Variants in NDUFA10 observed in about 807,000 individuals in gnomAD.
NDUFA10 encodes NADH:ubiquinone oxidoreductase subunit A10, also known as NADH dehydrogenase [ubiquinone] 1 alpha subcomplex subunit 10, mitochondrial.
A neutral mutation model predicts 47.8 loss-of-function variants in NDUFA10; 40 were observed. The observed-to-expected ratio is 0.84, with a 90% CI of 0.65 to 1.09. The LOEUF is 1.09. Ranked by LOEUF, NDUFA10 falls within the 50% of genes least tolerant of loss-of-function variation. The pLI is 0.00. For missense variants in NDUFA10, 413 were observed against 451.1 expected, an observed-to-expected ratio of 0.92 and a Z score of 0.76; for synonymous variants, 183 against 172.2, an observed-to-expected ratio of 1.06 and a Z score of -0.49.
chr2:239,997,494 G>A (rs1480486178), intron 8 of NDUFA10, among the ~76,000 whole-genome samples: 1 of 152,140 alleles, frequency 6.6e-6, no homozygotes, highest in East Asian at 1.9e-4. Context: ...GGGAAATTCA[G>A]AGAACCAGGT....
intron 9 of NDUFA10, among the ~76,000 whole-genome samples, chr2:239,970,968 A>T (rs1184364939): frequency 6.6e-6 from 1 of 152,254 alleles, no homozygotes; most frequent in African/African-American, 2.4e-5. Flanking sequence ...GGTTTGGCTA[A>T]TAACAACAGA....
intron 8 of NDUFA10, among the ~76,000 whole-genome samples, chr2:239,997,032 T>A (rs1023977540): frequency 6.6e-6 from 1 of 152,130 alleles, no homozygotes; most frequent in Non-Finnish European, 1.5e-5. Context: ...TTATACTGTA[T>A]TTTTACATTT....
At chr2:239,947,162 G>A (rs532888934) in intron 4 of NDUFA10, among the ~76,000 whole-genome samples, 3 of 152,322 alleles carry the variant, frequency 2.0e-5, no homozygotes, top group African/African-American at 7.2e-5. Flanking sequence ...TGGAGGCCTA[G>A]GCCAGGCCAT....
intron 9 of NDUFA10, among the ~76,000 whole-genome samples, chr2:239,962,421 C>T (rs1344635106): frequency 3.3e-5 from 5 of 152,204 alleles, no homozygotes; most frequent in Non-Finnish European, 7.3e-5. Flanking sequence ...CAGTGACAGA[C>T]GAACACACAA....
intron 4 of NDUFA10, among the ~76,000 whole-genome samples, chr2:240,017,319 C>T (rs1025599269): frequency 1.3e-5 from 2 of 152,116 alleles, no homozygotes; most frequent in African/African-American, 4.8e-5. Context: ...CACTATAGGA[C>T]ACCACCACCA....
At chr2:240,024,356 C>T (rs1697765871) in intron 1 of NDUFA10, among the ~76,000 whole-genome samples, 2 of 152,096 alleles carry the variant, frequency 1.3e-5, no homozygotes, top group Non-Finnish European at 2.9e-5. Flanking sequence ...GTATTCAAGG[C>T]GTCTGAAAAG....
intron 1 of NDUFA10, among the ~76,000 whole-genome samples, chr2:240,023,570 AC>A (rs1241095144): frequency 1.3e-5 from 2 of 152,222 alleles, no homozygotes; most frequent in Non-Finnish European, 2.9e-5. Flanking sequence ...GTATGATGTA[AC>A]ACCAAAAATG....
intron 4 of NDUFA10, among the ~76,000 whole-genome samples, chr2:239,943,330 T>C (rs1238534467): frequency 6.6e-6 from 1 of 151,494 alleles, no homozygotes; most frequent in Non-Finnish European, 1.5e-5. Context: ...TGGCTACTAA[T>C]TTTTCTTTCT....
intron 8 of NDUFA10, among the ~76,000 whole-genome samples, chr2:239,994,095 T>C (rs1316092490): frequency 6.6e-6 from 1 of 152,102 alleles, no homozygotes; most frequent in Non-Finnish European, 1.5e-5. Flanking sequence ...AGACAAATTA[T>C]TTCCGAAACA....
chr2:239,962,679 T>C (rs145857706), intron 9 of NDUFA10, among the ~76,000 whole-genome samples: 180 of 152,312 alleles, frequency 1.2e-3, no homozygotes, highest in African/African-American at 4.2e-3. Context: ...AGAGGTCTAA[T>C]TGGCTCATGG....
intron 4 of NDUFA10, among the ~76,000 whole-genome samples, chr2:239,905,875 G>A (rs1021898173): frequency 2.0e-5 from 3 of 148,212 alleles, no homozygotes; most frequent in Non-Finnish European, 4.5e-5. Flanking sequence ...CAGCCTGGGA[G>A]GGGACAGGAG....
chr2:239,911,110 G>A (rs1481521600), intron 4 of NDUFA10, among the ~76,000 whole-genome samples: 2 of 152,158 alleles, frequency 1.3e-5, no homozygotes, highest in East Asian at 3.9e-4. Flanking sequence ...CTGGGGCCTC[G>A]TTCCTGCCAG....
At chr2:239,948,704 G>A (rs999016030) in intron 4 of NDUFA10, among the ~76,000 whole-genome samples, 8 of 152,190 alleles carry the variant, frequency 5.3e-5, no homozygotes, top group Admixed American at 4.6e-4. Flanking sequence ...CCAGCCTGAC[G>A]ACGCAACTCA....
chr2:240,007,263 T>G lies in NDUFA10; in HGVS notation c.804+53A>C, dbSNP rs374637947. The G allele has an allele frequency of 5.6e-5, 75 of 1,331,296 alleles. No individual in the cohort carries two copies. In the African/African-American group the frequency reaches 1.0e-3, roughly 18 times the overall value. The allele number at this position is 1,331,296 out of a possible 1,614,324, so 82.5% of individuals were successfully genotyped here. A position where few individuals can be genotyped will look rare whatever the true frequency, so the allele number is the denominator to read the frequency against. On this transcript the variant is annotated intron_variant, in intron 7 of 9. Transcript: ENST00000252711. ...CTGACGATCTGATTTGCAAGAACCT[T>G]ACACATGAATCAAATGTAGGAATAA...
chr2:239,897,610 C>T (rs1693420915), intron 4 of NDUFA10, among the ~76,000 whole-genome samples: 1 of 152,192 alleles, frequency 6.6e-6, no homozygotes, highest in South Asian at 2.1e-4. Flanking sequence ...TGCTGGAGGG[C>T]CGAAGAGAGT....
intron 9 of NDUFA10, chr2:239,969,598 CA>C (rs1168677145): frequency 1.6e-4 from 75 of 468,440 alleles, no homozygotes; most frequent in Admixed American, 3.5e-4. Context: ...TCAGCCTGGC[CA>C]AATCTTTCCT....
chr2:240,021,473 G>T, intron 2 of NDUFA10, 61 bp from the exon 3 acceptor site: 1 of 1,477,938 alleles, frequency 6.8e-7, no homozygotes, highest in Non-Finnish European at 9.4e-7. Flanking sequence ...GCAGGGAGCA[G>T]TGGGGACTAG....
At chr2:239,979,707 A>ACT (rs746184192) in intron 9 of NDUFA10, among the ~76,000 whole-genome samples, 13 of 151,712 alleles carry the variant, frequency 8.6e-5, no homozygotes, top group Non-Finnish European at 1.8e-4. Context: ...CACAGTTGAT[A>ACT]CTCGACGTGG....
At chr2:239,911,999 C>A (rs1009622318) in intron 4 of NDUFA10, among the ~76,000 whole-genome samples, 1 of 152,194 alleles carries the variant, frequency 6.6e-6, no homozygotes, top group African/African-American at 2.4e-5. Flanking sequence ...ATGCGTCTAG[C>A]AGGCACCAGC....
Sources: gnomAD v4.1 joint callset for allele counts (sites outside exome capture counted in the v4.1 genomes callset) on GRCh38, gnomAD v4.1.1 for gene constraint, MANE v1.5 for transcripts, NCBI Gene and HGNC (gene_info 2026-07-23, HGNC 2026-07-21) for gene names.